The following CCDC198 variants were observed in gnomAD, a reference collection of about 807,000 sequenced individuals.
The protein encoded by CCDC198 is factor associated with metabolism and energy.
Under a neutral mutation model 35.6 loss-of-function variants are expected in CCDC198, and 18 were observed. That is an observed-to-expected ratio of 0.51 (90% confidence interval 0.35 to 0.75). The LOEUF is 0.75. CCDC198 is among the 30% of genes least tolerant of loss of function. The pLI is 0.01. For missense variants in CCDC198, 365 were observed against 343.7 expected, an observed-to-expected ratio of 1.06 and a Z score of -0.49; for synonymous variants, 119 against 113.4, an observed-to-expected ratio of 1.05 and a Z score of -0.31.
rs2066864878 is a variant in CCDC198 at position 57,472,892 on chromosome 14, T to C, written c.656-1302A>G. Among the ~76,000 whole-genome samples the C allele has an allele frequency of 2.0e-5, 3 of 152,318 alleles. No individual in the cohort carries two copies. The South Asian group carries it at 6.2e-4, about 32-fold the overall frequency. ...AAAATCCTAGGTCAAAGCCCAGAGT[T>C]TCCCACTAGACTGGTTGAAACGACC... On this transcript the variant is annotated intron_variant, in intron 5 of 5. Coordinates refer to ENST00000216445, the MANE Select transcript of CCDC198 (RefSeq NM_018168.4).
chr14:57,471,402 T>C lies in CCDC198; in HGVS notation c.844A>G (p.Arg282Gly), dbSNP rs367897577. 6 of 1,613,932 alleles carry C rather than the reference T, an allele frequency of 3.7e-6. No homozygotes were observed. The highest frequency in any genetic ancestry group is 5.1e-6 in the Non-Finnish European group (6 of 1,179,978). Residue 282 changes from arginine to glycine, a missense_variant, in exon 6 of 6, where the codon AGG (arginine) becomes GGG (glycine). Arg to Gly is a moderately radical substitution (Grantham distance 125, BLOSUM62 -2). Transcript: ENST00000216445. ...TCGAAAAGTGGGATTCTCTCTGTCCTGGTCCTCACCAGTGCTCGTGGCTTC... is the reference window on the plus strand; with the variant it reads ...TCGAAAAGTGGGATTCTCTCTGTCCCGGTCCTCACCAGTGCTCGTGGCTTC... ...EKKPRALVRT[R>G]TERIPLFDEF...
At chr14:57,480,181 G>C in intron 5 of CCDC198, 1 of 668,978 alleles carries the variant, frequency 1.5e-6, no homozygotes, top group Non-Finnish European at 1.8e-6. Flanking sequence ...CCACAGAAAA[G>C]GGTGCAGTCA....
Position 57,493,568 on chromosome 14 carries a change from G to A in CCDC198, c.148C>T (p.Leu50=), listed in dbSNP as rs1227668415. The A allele has an allele frequency of 3.7e-6, 6 of 1,614,000 alleles. No homozygotes were observed. The highest frequency in any genetic ancestry group is 1.7e-4 in the Middle Eastern group (1 of 6,060). ...EEKTSYSLAR[L]QDQNKALEGQ... is the part of the protein sequence containing the mutation. ...TCCAAGGCTTTATTCTGGTCCTGCA[G>A]TCTTGCCAGTGAATATGAAGTCTTT... is the stretch of plus-strand genomic sequence containing the variant. Residue 50 remains leucine, a synonymous_variant, in exon 1 of 6, where the codon CTG becomes TTG. Transcript: ENST00000216445.
At chr14:57,490,462 T>C (rs552080158) in intron 2 of CCDC198, among the ~76,000 whole-genome samples, 172 of 152,304 alleles carry the variant, frequency 1.1e-3, no homozygotes, top group African/African-American at 4.0e-3. Context: ...AAATTACTTA[T>C]GCTGACAGTT....
Position 57,471,482 on chromosome 14 carries a change from T to A in CCDC198, c.764A>T (p.Gln255Leu), listed in dbSNP as rs768263330. 1 of 1,614,038 alleles carries A rather than the reference T, an allele frequency of 6.2e-7. No individual in the cohort carries two copies. Among genetic ancestry groups the A allele is most frequent in the Non-Finnish European group, 8.5e-7 (1 of 1,179,946 alleles). The change falls in exon 6 of 6, where the codon CAG becomes CTG. Residue 255 changes from glutamine to leucine, a missense_variant. By Grantham distance (113) the Gln-to-Leu change is moderately radical. Coordinates refer to ENST00000216445, the MANE Select transcript of CCDC198 (RefSeq NM_018168.4). ...AGAGCTGGAACTGTCCCAGAGAAGC[T>A]GTCCCTGGGCCTCTTGTTCATGAAG... The part of the protein sequence containing the change: ...TWLHEQEAQG[Q>L]LLWDSSSSDS...
At chr14:57,485,692 C>T (rs1209556069) in intron 2 of CCDC198, among the ~76,000 whole-genome samples, 1 of 152,126 alleles carries the variant, frequency 6.6e-6, no homozygotes, top group African/African-American at 2.4e-5. Context: ...ACCCAGCAGT[C>T]CTTTCTGCTG....
At chr14:57,475,376 A>G (rs2066949045) in intron 5 of CCDC198, 1 of 1,005,756 alleles carries the variant, frequency 9.9e-7, no homozygotes, top group East Asian at 1.1e-4. Flanking sequence ...AGAATTTTGA[A>G]GCTGACATTA....
At chr14:57,479,753 A>G (rs1034812278) in intron 5 of CCDC198, among the ~76,000 whole-genome samples, 1 of 152,218 alleles carries the variant, frequency 6.6e-6, no homozygotes, top group African/African-American at 2.4e-5. Flanking sequence ...AACCCAGAGT[A>G]CTGGGCATAA....
At chr14:57,493,370 C>T in intron 1 of CCDC198, 123 bp downstream of exon 1, 1 of 813,720 alleles carries the variant, frequency 1.2e-6, no homozygotes, top group Non-Finnish European at 2.0e-6. Flanking sequence ...TCAAAGATAG[C>T]CTAAATTCCT....
chr14:57,487,478 G>A (rs1185382090), intron 2 of CCDC198, among the ~76,000 whole-genome samples: 1 of 152,108 alleles, frequency 6.6e-6, no homozygotes, highest in African/African-American at 2.4e-5. Flanking sequence ...TATATGTGTG[G>A]GGGAAACACC....
intron 5 of CCDC198, among the ~76,000 whole-genome samples, chr14:57,477,376 C>G (rs1002597031): frequency 9.9e-5 from 15 of 152,130 alleles, no homozygotes; most frequent in African/African-American, 3.6e-4. Flanking sequence ...ACATGTTATT[C>G]TAAAAGTCTA....
intron 5 of CCDC198, chr14:57,478,959 G>A (rs1278204635): frequency 7.8e-7 from 1 of 1,288,742 alleles, no homozygotes; most frequent in East Asian, 5.5e-5. Context: ...CTGATGTGGG[G>A]ATTTGGCCCA....
Position 57,471,543 on chromosome 14 carries a change from A to G in CCDC198, c.703T>C (p.Tyr235His). Residue 235 changes from tyrosine (Y) to histidine (H), a missense_variant, in exon 6 of 6, where the codon TAC becomes CAC. Tyr to His is a moderately conservative substitution (Grantham distance 83). Transcript: ENST00000216445. ...EFLKHQAVNN[Y>H]CPWKIGKMET... ...ATTTTGCCAATTTTCCAGGGACAGT[A>G]GTTATTCACTGCTTGATGTTTCAAA... The G allele has an allele frequency of 6.2e-7, 1 of 1,612,702 alleles. No individual in the cohort carries two copies. The highest frequency in any genetic ancestry group is 8.5e-7 in the Non-Finnish European group (1 of 1,179,206).
At position 57,493,705 on chromosome 14, in the gene CCDC198, C is replaced by T; in HGVS notation, c.11G>A (p.Ser4Asn). Residue 4 changes from serine to asparagine, a missense_variant, in exon 1 of 6, where the codon AGT (serine) becomes AAT (asparagine). Ser to Asn is a conservative substitution (Grantham distance 46). Coordinates refer to ENST00000216445, the MANE Select transcript of CCDC198 (RefSeq NM_018168.4). ...CACCCTAAGGTGAGTCTTAGAGTGA[C>T]TCAGGCCCATTTCATGTGAAAGACA... MGL[S>N]HSKTHLRVIK... The T allele has an allele frequency of 1.9e-6, 3 of 1,612,332 alleles. No homozygotes were observed. Among genetic ancestry groups the T allele is most frequent in the Non-Finnish European group, 2.5e-6 (3 of 1,179,026 alleles).
Position 57,493,813 on chromosome 14 carries a change from C to T in CCDC198, c.-98G>A, listed in dbSNP as rs184229658. ...TCAAAGCATTTCAGAAGTTTACCCT[C>T]GCTTTACAAAGCAGTCATTTCCTTC... On this transcript the variant is annotated 5_prime_UTR_variant, in exon 1 of 6. Transcript: ENST00000216445. 341 of 921,694 alleles carry T rather than the reference C, an allele frequency of 3.7e-4. No homozygotes were observed. The African/African-American group carries it at 5.0e-3, about 14-fold the overall frequency. The allele number at this position is 921,694 out of a possible 1,614,324, so 57.1% of individuals were successfully genotyped here. A position where few individuals can be genotyped will look rare whatever the true frequency, so the allele number is the denominator to read the frequency against.
intron 1 of CCDC198, 115 bp from the exon 2 acceptor site, chr14:57,491,186 T>A: frequency 2.0e-6 from 2 of 1,019,506 alleles, no homozygotes; most frequent in Non-Finnish European, 2.9e-6. Context: ...TTCAGTTATA[T>A]ATGTCTAACC....
intron 1 of CCDC198, among the ~76,000 whole-genome samples, chr14:57,492,771 C>CAT (rs995003778): frequency 2.0e-5 from 3 of 151,912 alleles, no homozygotes; most frequent in Non-Finnish European, 4.4e-5. Context: ...AAACAATATA[C>CAT]ATATATATAT....
At chr14:57,492,349 C>CT (rs920567060) in intron 1 of CCDC198, among the ~76,000 whole-genome samples, 12 of 151,884 alleles carry the variant, frequency 7.9e-5, no homozygotes, top group African/African-American at 2.9e-4. Context: ...TTACCTAAAT[C>CT]TTTTTTTTCT....
chr14:57,490,828 A>C, intron 2 of CCDC198, 161 bp downstream of exon 2: 4 of 685,874 alleles, frequency 5.8e-6, no homozygotes, highest in Non-Finnish European at 9.3e-6. Flanking sequence ...AGGAAATCTT[A>C]AAGTAATAGA....
Sources: allele counts gnomAD v4.1 joint callset (sites outside exome capture counted in the v4.1 genomes callset), GRCh38; gene constraint gnomAD v4.1.1; transcripts MANE v1.5; gene names NCBI Gene and HGNC (gene_info 2026-07-23, HGNC 2026-07-21).